The following GSG1L2 variants were observed in gnomAD, a reference collection of about 807,000 sequenced individuals.
GSG1L2 encodes the protein germ cell-specific gene 1-like protein 2.
Under a neutral mutation model 9.0 loss-of-function variants are expected in GSG1L2, and 15 were observed. The observed-to-expected ratio is 1.67, with a 90% CI of 1.12 to 2.57. The LOEUF (loss-of-function observed/expected upper bound fraction) is 2.57. Among genes scored for constraint, GSG1L2 ranks in the 30% most tolerant of loss-of-function variants. The pLI is 0.00. For synonymous variants in GSG1L2, 127 were observed against 57.9 expected (o/e 2.19, Z -5.41); for missense variants, 286 against 150.3 (o/e 1.90, Z -4.72).
rs146994086 is a variant in GSG1L2, at chr17:9,821,199, G to A, written c.310+563C>T. Among the ~76,000 whole-genome samples, 6 of 152,280 alleles carry A rather than the reference G, an allele frequency of 3.9e-5. No homozygotes were observed. In the East Asian group the frequency reaches 1.2e-3, roughly 29 times the overall value. The stretch of plus-strand genomic sequence containing the variant: ...AGGGAAGAGTACTCTGTCCCTGAAC[G>A]CGGGCTTACAGCCAGGCTGCCAAAT... On this transcript the variant is annotated intron_variant, in intron 1 of 4. Coordinates refer to ENST00000399363, the MANE Select transcript of GSG1L2 (RefSeq NM_001310219.2).
intron 1 of GSG1L2, among the ~76,000 whole-genome samples, chr17:9,816,471 CGTGTCTGTGT>C (rs2066561480): frequency 2.8e-5 from 2 of 71,852 alleles, no homozygotes; most frequent in Non-Finnish European, 5.0e-5. Context: ...CGTCCGTGTG[CGTGTCTGTGT>C]GTGTGCATGT....
chr17:9,809,342 A>C (rs1434143503), intron 2 of GSG1L2: 2 of 324,924 alleles, frequency 6.2e-6, no homozygotes, highest in Non-Finnish European at 1.2e-5. Flanking sequence ...GGCTGACTTC[A>C]AGAACGAAGC....
intron 2 of GSG1L2, 21 bp downstream of exon 2, chr17:9,810,550 G>C: frequency 4.3e-6 from 3 of 702,968 alleles, no homozygotes; most frequent in Non-Finnish European, 7.8e-6. Context: ...CTAGTGGGCA[G>C]AGTGTGAGTA....
chr17:9,811,720 G>A (rs893316512), intron 1 of GSG1L2, among the ~76,000 whole-genome samples: 1 of 152,180 alleles, frequency 6.6e-6, no homozygotes, highest in South Asian at 2.1e-4. Flanking sequence ...TGCGTTCAAG[G>A]GCCTCTGAGG....
chr17:9,809,169 C>G, intron 2 of GSG1L2, 187 bp from the exon 3 acceptor site: 3 of 511,614 alleles, frequency 5.9e-6, no homozygotes, highest in East Asian at 3.5e-5. Context: ...CTGAAAGAGA[C>G]GGTTGTAGGG....
At position 9,820,049 on chromosome 17, in the gene GSG1L2, C is replaced by T. The variant is rs144271285; in HGVS notation, c.310+1713G>A. On this transcript the variant is annotated intron_variant, in intron 1 of 4. Transcript: ENST00000399363. This position sits in a 1 kb window ranked among gnomAD's most constrained non-coding sequence, Gnocchi z 4.9. The stretch of plus-strand genomic sequence containing the variant: ...AAGTTGCAGTGAGCTGAGATTGCGC[C>T]GTTGCAATCCAGCCTGGGCAACGAG... Among the ~76,000 whole-genome samples, 1,126 of 151,862 alleles carry T rather than the reference C, an allele frequency of 7.4e-3. 14 individuals carry two copies. Among genetic ancestry groups the T allele is most frequent in the African/African-American group, 0.026 (1,061 of 41,466 alleles).
At chr17:9,816,910 C>CTGTGTGTGTGTG (rs56337214) in intron 1 of GSG1L2, among the ~76,000 whole-genome samples, 5 of 94,452 alleles carry the variant, frequency 5.3e-5, no homozygotes, top group Non-Finnish European at 1.0e-4. Context: ...GTGTGTGTAT[C>CTGTGTGTGTGTG]TGTGTGTGTG....
chr17:9,810,213 G>T (rs1469692241), intron 2 of GSG1L2: 2 of 312,856 alleles, frequency 6.4e-6, no homozygotes, highest in African/African-American at 2.1e-5. Context: ...AGAAAAAACT[G>T]CTCTAGGCAG....
rs1336866148 is a variant in GSG1L2 at position 9,822,032 on chromosome 17, G to A, written c.40C>T (p.Pro14Ser). Residue 14 changes from proline (P) to serine (S), a missense_variant, in exon 1 of 5, where the codon CCT becomes TCT. By Grantham distance (74) the Pro-to-Ser change is moderately conservative (BLOSUM62 -1). Coordinates refer to ENST00000399363, the MANE Select transcript of GSG1L2 (RefSeq NM_001310219.2). Reference sequence around the variant, plus strand: ...GAGAAGGTGAGGGCGAGGCAGACAGGGAGGAGGAGCAGCGCCTGCTGCTGC... The same window carrying A: ...GAGAAGGTGAGGGCGAGGCAGACAGAGAGGAGGAGCAGCGCCTGCTGCTGC... ...AKQQQALLLL[P>S]VCLALTFSLT... The A allele has an allele frequency of 1.4e-6, 1 of 702,420 alleles. No homozygotes were observed. The highest frequency in any genetic ancestry group is 2.6e-6 in the Non-Finnish European group (1 of 384,966). 43.5% of individuals were successfully genotyped at this position (702,420 alleles called of 1,614,324 possible).
rs374034800 is a variant in GSG1L2, at chr17:9,817,425, G to A, written c.310+4337C>T. ...GCAAGCTTCCAGTTCTCTCCAACGAGGCTTTTTTTTTTTTTTTTCCTCGAA... is the reference window on the plus strand; with the variant it reads ...GCAAGCTTCCAGTTCTCTCCAACGAAGCTTTTTTTTTTTTTTTTCCTCGAA... On this transcript the variant is annotated intron_variant, in intron 1 of 4. Transcript: ENST00000399363. 8.0e-3 allele frequency among the ~76,000 whole-genome samples: 971 copies of A among 121,774 alleles called. 10 individuals are homozygous for A. Among genetic ancestry groups the A allele is most frequent in the African/African-American group, 0.028 (880 of 30,898 alleles). 79.9% of individuals were successfully genotyped at this position (121,774 alleles called of 152,430 possible).
chr17:9,816,856 C>CTGTGTG (rs535986923), intron 1 of GSG1L2, among the ~76,000 whole-genome samples: 2 of 36,022 alleles, frequency 5.6e-5, no homozygotes, highest in Admixed American at 9.4e-4. Flanking sequence ...TTCTGTGTAT[C>CTGTGTG]TGTATGTGTG....
intron 1 of GSG1L2, among the ~76,000 whole-genome samples, chr17:9,813,348 G>A (rs950937466): frequency 1.3e-5 from 2 of 152,108 alleles, no homozygotes; most frequent in South Asian, 2.1e-4. Flanking sequence ...TTTCTGACTC[G>A]AATGCGCAGC....
chr17:9,802,634 C>G lies in GSG1L2; in HGVS notation c.634G>C (p.Gly212Arg). Residue 212 changes from glycine (G) to arginine (R), a missense_variant, in exon 5 of 5, where the codon GGT becomes CGT. By Grantham distance (125) the Gly-to-Arg change is moderately radical. Transcript: ENST00000399363. Reference sequence around the variant, plus strand: ...ACAGCCAGGCAGAGGGCGAAAGAACCCCAGGCAAGGCTGTCAACAGAAGGC... The same window carrying G: ...ACAGCCAGGCAGAGGGCGAAAGAACGCCAGGCAAGGCTGTCAACAGAAGGC... Reference protein sequence around the residue: ...DYGWSYCLAWGSFALCLAVSV... With the variant: ...DYGWSYCLAWRSFALCLAVSV... 1.4e-6 allele frequency: 1 copy of G among 702,824 alleles called. No homozygotes were observed. The highest frequency in any genetic ancestry group is 2.6e-6 in the Non-Finnish European group (1 of 384,954). 43.5% of individuals were successfully genotyped at this position (702,824 alleles called of 1,614,324 possible).
intron 1 of GSG1L2, among the ~76,000 whole-genome samples, chr17:9,819,324 A>G (rs1324077652): frequency 1.3e-5 from 2 of 152,250 alleles, no homozygotes; most frequent in African/African-American, 4.8e-5. Flanking sequence ...AAGCAGCGAT[A>G]TAACTTTATT....
At chr17:9,810,430 C>T (rs1272035156) in intron 2 of GSG1L2, 141 bp downstream of exon 2, 3 of 635,636 alleles carry the variant, frequency 4.7e-6, no homozygotes, top group African/African-American at 1.8e-5. Flanking sequence ...GGAAGAGAGC[C>T]TGTGGTTCTA....
At chr17:9,819,516 G>A (rs1252376848) in intron 1 of GSG1L2, among the ~76,000 whole-genome samples, 4 of 152,236 alleles carry the variant, frequency 2.6e-5, no homozygotes, top group Admixed American at 6.5e-5. Flanking sequence ...CTCCTGAAGT[G>A]TGGGACTAAG....
intron 4 of GSG1L2, chr17:9,804,043 T>A (rs951323430): frequency 2.6e-5 from 4 of 152,232 alleles, no homozygotes; most frequent in African/African-American, 9.7e-5. Flanking sequence ...ATTGCATCTC[T>A]CCACACCCCC....
chr17:9,806,188 C>T lies in GSG1L2; in HGVS notation c.623+1302G>A, dbSNP rs186771903. 4.4e-3 allele frequency among the ~76,000 whole-genome samples: 666 copies of T among 152,312 alleles called. 3 individuals are homozygous for T. Among genetic ancestry groups the T allele is most frequent in the Non-Finnish European group, 7.3e-3 (494 of 68,028 alleles). ...TTTTCCCCATTGCCAATCACCTTTC[C>T]TCTTGCCTTAGACCACCCTGCTTCT... On this transcript the variant is annotated intron_variant, in intron 4 of 4. Transcript: ENST00000399363.
intron 1 of GSG1L2, among the ~76,000 whole-genome samples, chr17:9,813,061 G>T (rs574837899): frequency 6.6e-6 from 1 of 152,324 alleles, no homozygotes; most frequent in Non-Finnish European, 1.5e-5. Context: ...TTACATTGGG[G>T]TTAGGGTTTC....
Sources: allele counts gnomAD v4.1 joint callset (sites outside exome capture counted in the v4.1 genomes callset), GRCh38; gene constraint gnomAD v4.1.1; non-coding constraint Gnocchi (gnomAD v3.1); transcripts MANE v1.5; gene names NCBI Gene and HGNC (gene_info 2026-07-23, HGNC 2026-07-21).